RBFOX1: variants seen among roughly 807,000 people sequenced by gnomAD.
RBFOX1 encodes RNA binding protein fox-1 homolog 1.
RBFOX1 carries 8 observed loss-of-function variants against 57.7 expected under a neutral mutation model. That is an observed-to-expected ratio of 0.14 (90% CI 0.08 to 0.25). The LOEUF is 0.25. RBFOX1 is among the 10% of genes least tolerant of loss of function. The pLI is 1.00. For synonymous variants in RBFOX1, 326 were observed against 222.4 expected (o/e 1.47, Z -4.15); for missense variants, 611 against 548.5 (o/e 1.11, Z -1.14).
chr16:7,109,558 A>C (rs1341396449), intron 4 of RBFOX1, among the ~76,000 whole-genome samples: 1 of 152,106 alleles, frequency 6.6e-6, no homozygotes, highest in Non-Finnish European at 1.5e-5. Flanking sequence ...CTGCAGTTGG[A>C]AGCTGCAAAT....
intron 5 of RBFOX1, among the ~76,000 whole-genome samples, chr16:7,572,154 G>A (rs1484281365): frequency 1.3e-5 from 2 of 152,118 alleles, no homozygotes; most frequent in African/African-American, 4.8e-5. Flanking sequence ...TATTAATACT[G>A]TTAATAATGA....
At chr16:7,247,986 C>G (rs1012743527) in intron 4 of RBFOX1, among the ~76,000 whole-genome samples, 11 of 152,148 alleles carry the variant, frequency 7.2e-5, no homozygotes, top group Non-Finnish European at 1.5e-5. Flanking sequence ...GACAAACTCC[C>G]ATGACACAAG....
At chr16:7,446,798 A>ATTTTTTTTT (rs34580591) in intron 4 of RBFOX1, among the ~76,000 whole-genome samples, 1 of 48,970 alleles carries the variant, frequency 2.0e-5, no homozygotes, top group Non-Finnish European at 3.5e-5. Context: ...AGGTCTAGGT[A>ATTTTTTTTT]TTTTTTTTTT....
chr16:5,448,853 C>G (rs530363152), intron 1 of RBFOX1, among the ~76,000 whole-genome samples: 1 of 152,166 alleles, frequency 6.6e-6, no homozygotes, highest in Non-Finnish European at 1.5e-5. Flanking sequence ...GATCTCTGTC[C>G]TCGAAGACAT....
At chr16:7,358,227 A>G (rs1021233032) in intron 4 of RBFOX1, among the ~76,000 whole-genome samples, 1 of 152,244 alleles carries the variant, frequency 6.6e-6, no homozygotes, top group African/African-American at 2.4e-5. Flanking sequence ...AGAATACATA[A>G]CCAAGTCAGC....
In RBFOX1 at chr16:5,502,383, G is replaced by A. The variant is rs558438665; in HGVS notation, c.258+35129G>A. Among the ~76,000 whole-genome samples the A allele has an allele frequency of 3.3e-5, 5 of 152,294 alleles. No individual in the cohort carries two copies. The East Asian group carries it at 9.7e-4, about 29-fold the overall frequency. Reference sequence around the variant, plus strand: ...GATGTGGACACTGTAGGGGTGGGATGTGGAGAAGGCTCCTGATCATTCTTC... The same window carrying A: ...GATGTGGACACTGTAGGGGTGGGATATGGAGAAGGCTCCTGATCATTCTTC... On this transcript the variant is annotated intron_variant, in intron 2 of 2. Coordinates refer to the RBFOX1 transcript ENST00000585867.
At chr16:6,207,672 C>A (rs1322097933) in intron 1 of RBFOX1, among the ~76,000 whole-genome samples, 2 of 152,030 alleles carry the variant, frequency 1.3e-5, no homozygotes, top group African/African-American at 4.8e-5. Flanking sequence ...AGAAAGGTGA[C>A]AGTAGACATT....
chr16:5,467,273 C>T (rs1046326848), intron 2 of RBFOX1: 22 of 1,479,582 alleles, frequency 1.5e-5, no homozygotes, highest in Admixed American at 5.9e-5. Context: ...TCATTTTGTC[C>T]TGACTTAGGA....
chr16:5,240,063 C>T (rs1345270090), exon 1 of RBFOX1: 1 of 1,532,070 alleles, frequency 6.5e-7, no homozygotes, highest in Admixed American at 2.0e-5. Flanking sequence ...CGCGGCCGGG[C>T]AGGGAGGAGA....
intron 3 of RBFOX1, among the ~76,000 whole-genome samples, chr16:6,829,911 T>A (rs2092578074): frequency 6.6e-6 from 1 of 151,754 alleles, no homozygotes; most frequent in South Asian, 2.1e-4. Flanking sequence ...CCTTTATTTT[T>A]ATTTTATTTT....
chr16:7,029,067 TATATATATATATATACACACAC>T (rs1417766213), intron 3 of RBFOX1, among the ~76,000 whole-genome samples: 2 of 34,696 alleles, frequency 5.8e-5, no homozygotes, highest in Admixed American at 3.9e-4. Context: ...TATATATATA[TATATATATATATATACACACAC>T]ACACACACAC....
At chr16:5,989,701 G>T (rs1218696663) in intron 4 of RBFOX1, among the ~76,000 whole-genome samples, 1 of 151,984 alleles carries the variant, frequency 6.6e-6, no homozygotes, top group Non-Finnish European at 1.5e-5. Flanking sequence ...TGGGGGTGGG[G>T]AAGATGATCT....
chr16:5,256,993 AATTTGTCAAAGATTGTTGTTGG>A (rs527449254), intron 1 of RBFOX1, among the ~76,000 whole-genome samples: 50 of 152,094 alleles, frequency 3.3e-4, no homozygotes, highest in Non-Finnish European at 5.4e-4. Context: ...TGGGGGAGGC[AATTTGTCAAAGATTGTTGTTGG>A]ATTTTACACA....
intron 4 of RBFOX1, among the ~76,000 whole-genome samples, chr16:7,142,685 A>G (rs560678603): frequency 1.1e-4 from 16 of 152,268 alleles, no homozygotes; most frequent in Middle Eastern, 3.4e-3. Flanking sequence ...TTGTATATAC[A>G]TGTCTTTAAT....
At chr16:6,978,238 C>G (rs148237845) in intron 3 of RBFOX1, among the ~76,000 whole-genome samples, 2 of 152,310 alleles carry the variant, frequency 1.3e-5, no homozygotes, top group East Asian at 1.9e-4. Flanking sequence ...AAACAAGTTT[C>G]TAGCCTTGGA....
At chr16:6,210,798 T>G (rs1386936522) in intron 1 of RBFOX1, among the ~76,000 whole-genome samples, 1 of 152,176 alleles carries the variant, frequency 6.6e-6, no homozygotes, top group Non-Finnish European at 1.5e-5. Flanking sequence ...TAATAATGCC[T>G]GATTCTTCAA....
intron 4 of RBFOX1, among the ~76,000 whole-genome samples, chr16:7,390,134 C>G (rs2097971921): frequency 6.6e-6 from 1 of 152,100 alleles, no homozygotes; most frequent in South Asian, 2.1e-4. Flanking sequence ...TACTTTCAAA[C>G]AAACAGCTCT....
chr16:5,403,495 G>A (rs1230586182), intron 1 of RBFOX1, among the ~76,000 whole-genome samples: 1 of 152,140 alleles, frequency 6.6e-6, no homozygotes, highest in East Asian at 1.9e-4. Context: ...CCAGGCTGGA[G>A]TGCAGTGGCA....
chr16:5,650,187 C>T (rs114515499), intron 3 of RBFOX1, among the ~76,000 whole-genome samples: 6 of 152,296 alleles, frequency 3.9e-5, no homozygotes, highest in South Asian at 2.1e-4. Context: ...AGTCGTAAGA[C>T]GAGGCTCTCA....
Sources: allele counts gnomAD v4.1 joint callset (sites outside exome capture counted in the v4.1 genomes callset), GRCh38; gene constraint gnomAD v4.1.1; transcripts MANE v1.5; gene names NCBI Gene and HGNC (gene_info 2026-07-23, HGNC 2026-07-21).